The following PER3 variants were observed in gnomAD, a reference collection of about 807,000 sequenced individuals.
The protein encoded by PER3 is period circadian regulator 3, also known as period circadian protein homolog 3.
In PER3, 107 loss-of-function variants were observed where a neutral mutation model predicts 127.2. The observed-to-expected ratio is 0.84, with a 90% CI of 0.72 to 0.99. The LOEUF is 0.99. Ranked by LOEUF, PER3 falls within the 50% of genes least tolerant of loss-of-function variation. The probability of loss-of-function intolerance (pLI) is 0.00; values close to 1 mark genes in which losing one functional copy is unlikely to be tolerated. For missense variants in PER3, 1,560 were observed against 1,525.8 expected (o/e 1.02, Z -0.37); for synonymous variants, 618 against 585.8 (o/e 1.05, Z -0.79).
At chr1:7,837,789 G>A (rs2097365200) in intron 21 of PER3, among the ~76,000 whole-genome samples, 1 of 152,190 alleles carries the variant, frequency 6.6e-6, no homozygotes, top group Admixed American at 6.5e-5. Context: ...TTAATAACAA[G>A]TAGGCCTAGT....
At chr1:7,797,055 G>GAT (rs1317314735) in intron 6 of PER3, among the ~76,000 whole-genome samples, 14 of 152,174 alleles carry the variant, frequency 9.2e-5, no homozygotes, top group Admixed American at 9.2e-4. Flanking sequence ...GAGACTCTAT[G>GAT]AGAGTCTGGA....
chr1:7,792,946 G>C (rs1348539605), intron 5 of PER3, among the ~76,000 whole-genome samples: 1 of 152,142 alleles, frequency 6.6e-6, no homozygotes, highest in Non-Finnish European at 1.5e-5. Context: ...TGAATAAATG[G>C]TATAAGCAAA....
At chr1:7,789,140 A>AATATATATATAT (rs59535110) in intron 5 of PER3, among the ~76,000 whole-genome samples, 1,857 of 133,126 alleles carry the variant, frequency 0.014, 17 homozygotes, top group Non-Finnish European at 0.019. Context: ...AGAGCTTTAA[A>AATATATATATAT]ATATATATAT....
At chr1:7,816,447 A>C (rs2150970549) in intron 13 of PER3, among the ~76,000 whole-genome samples, 1 of 152,346 alleles carries the variant, frequency 6.6e-6, no homozygotes, top group African/African-American at 2.4e-5. Context: ...AAGACAAAAT[A>C]GTTGCAAATG....
chr1:7,793,825 G>A (rs2097132701), intron 5 of PER3, 132 bp from the exon 6 acceptor site: 1 of 757,678 alleles, frequency 1.3e-6, no homozygotes, highest in Non-Finnish European at 2.3e-6. Context: ...TGAAGGAAGG[G>A]GGTTCTATTT....
chr1:7,795,625 G>A (rs1319260788), intron 6 of PER3, among the ~76,000 whole-genome samples: 3 of 152,242 alleles, frequency 2.0e-5, no homozygotes, highest in Non-Finnish European at 4.4e-5. Flanking sequence ...GGAGTGACAC[G>A]GAGCTGCTGT....
intron 4 of PER3, chr1:7,787,195 TA>T: frequency 1.5e-6 from 1 of 682,144 alleles, no homozygotes; most frequent in Non-Finnish European, 1.9e-6. Flanking sequence ...ATATCATTCT[TA>T]GTTCCAATAC....
rs377162862 is a variant in PER3, at chr1:7,788,247, G to A, written c.592+1G>A. 1.7e-5 allele frequency: 27 copies of A among 1,604,398 alleles called. No individual in the cohort carries two copies. The highest frequency in any genetic ancestry group is 2.0e-5 in the Non-Finnish European group (23 of 1,171,116). On this transcript the variant is annotated splice_donor_variant, in intron 5 of 21. Transcript: ENST00000377532. LOFTEE classifies it high-confidence loss of function. ...TTCTGGAACAACTGGACCCAAAGAG[G>A]TAACAGGACCAATGTTCAGATGTCT...
chr1:7,810,127 A>G (rs1186434538), intron 12 of PER3, 106 bp downstream of exon 12: 2 of 1,074,844 alleles, frequency 1.9e-6, no homozygotes, highest in Admixed American at 2.5e-5. Flanking sequence ...TGAAGACCTC[A>G]ACTGATAACA....
chr1:7,835,890 A>G lies in PER3; in HGVS notation c.3343A>G (p.Arg1115Gly), dbSNP rs1017595868. ...TAATGTCGCCGAAGAGCCCATCTGG[A>G]GAATGATACGGCAGACACCTGAGCG... Reference protein sequence around the residue: ...FPNVAEEPIWRMIRQTPERIL... With the variant: ...FPNVAEEPIWGMIRQTPERIL... The change falls in exon 20 of 22, where the codon AGA becomes GGA. Residue 1115 changes from arginine (R) to glycine (G), a missense_variant. Physicochemically the swap from Arg to Gly is moderately radical, Grantham distance 125. Around this residue, in one of 3 missense-constraint regions of PER3, gnomAD observed 199 missense variants for 198.6 expected, o/e 1.00. Coordinates refer to ENST00000377532, the MANE Select transcript of PER3 (RefSeq NM_001377275.1). 11 of 1,611,964 alleles carry G rather than the reference A, an allele frequency of 6.8e-6. No homozygotes were observed. The highest frequency in any genetic ancestry group is 3.3e-5 in the Admixed American group (2 of 60,024).
intron 18 of PER3, among the ~76,000 whole-genome samples, 178 bp downstream of exon 18, chr1:7,827,993 G>A (rs1424467634): frequency 6.6e-6 from 1 of 152,170 alleles, no homozygotes; most frequent in Non-Finnish European, 1.5e-5. Flanking sequence ...GCTCTGTTTG[G>A]AAAGTAGACA....
intron 5 of PER3, among the ~76,000 whole-genome samples, chr1:7,788,825 A>T (rs1558380281): frequency 6.6e-6 from 1 of 151,800 alleles, no homozygotes. Flanking sequence ...AAGCACTTGA[A>T]CCCGGGAGAC....
chr1:7,820,540 A>G lies in PER3; in HGVS notation c.1857A>G (p.Gly619=), dbSNP rs761620324. 6.2e-7 allele frequency: 1 copy of G among 1,614,024 alleles called. No homozygotes were observed. The highest frequency in any genetic ancestry group is 1.1e-5 in the South Asian group (1 of 91,066). ...TNGRSIDTGG[G]APQILSTAML... is the part of the protein sequence containing the mutation. ...GACGGTCCATAGACACAGGAGGAGG[A>G]GCTCCACAGATCCTGTCCACGGCGA... The change falls in exon 16 of 22, where the codon GGA becomes GGG. Residue 619 remains glycine (G), a synonymous_variant. Transcript: ENST00000377532.
chr1:7,819,471 A>G (rs1388846970), intron 14 of PER3, 51 bp downstream of exon 14: 1 of 1,548,160 alleles, frequency 6.5e-7, no homozygotes, highest in East Asian at 2.2e-5. Flanking sequence ...GGAAGCATAC[A>G]CTGCCACTGT....
chr1:7,806,795 T>TA (rs71567316), intron 10 of PER3, among the ~76,000 whole-genome samples: 3,425 of 91,888 alleles, frequency 0.037, 129 homozygotes, highest in African/African-American at 0.054. Flanking sequence ...CCCTGTCTCT[T>TA]AAAAAAAAAA....
chr1:7,844,042 TC>T lies in PER3; in HGVS notation c.*1289del. ...TGCAACAAACTAATTTATTTTTTTT[TC>T]CTTTTTTTGTTTTTGGTTTTTTATG... On this transcript the variant is annotated 3_prime_UTR_variant, in exon 22 of 22. Coordinates refer to ENST00000377532, the MANE Select transcript of PER3 (RefSeq NM_001377275.1). 9.5e-7 allele frequency: 1 copy of T among 1,048,760 alleles called. No individual in the cohort carries two copies. The highest frequency in any genetic ancestry group is 1.2e-6 in the Non-Finnish European group (1 of 832,692). The allele number at this position is 1,048,760 out of a possible 1,614,324, so 65.0% of individuals were successfully genotyped here. A position where few individuals can be genotyped will look rare whatever the true frequency, so the allele number is the denominator to read the frequency against.
intron 18 of PER3, 39 bp from the exon 19 acceptor site, chr1:7,829,792 TAAG>T (rs759888649): frequency 2.0e-4 from 303 of 1,494,676 alleles, no homozygotes; most frequent in Middle Eastern, 6.9e-4. Context: ...TATTTTGTGA[TAAG>T]AAGATTAAAG....
Position 7,827,295 on chromosome 1 carries a change from C to A in PER3, c.2366C>A (p.Ser789Ter). ...TCCGCGGCCTCCTCTCCGCACACCTCGAGCCCGACCTTCCCACCTGCCGCC... is the reference window on the plus strand; with the variant it reads ...TCCGCGGCCTCCTCTCCGCACACCTAGAGCCCGACCTTCCCACCTGCCGCC... ...CPSAASSPHT[S>*]SPTFPPAAMV... is the part of the protein sequence containing the mutation. The change falls in exon 18 of 22, where the codon TCG becomes TAG. Residue 789 changes from serine (S) to a stop codon, truncating the protein, a stop_gained. Transcript: ENST00000377532. LOFTEE classifies it high-confidence loss of function. 6.2e-7 allele frequency: 1 copy of A among 1,613,718 alleles called. No homozygotes were observed. The highest frequency in any genetic ancestry group is 8.5e-7 in the Non-Finnish European group (1 of 1,179,828).
At chr1:7,787,508 G>A in intron 4 of PER3, 1 of 421,850 alleles carries the variant, frequency 2.4e-6, no homozygotes, top group Non-Finnish European at 4.6e-6. Flanking sequence ...TTTAAAAATA[G>A]CTTAAGAAAA....
Sources: gnomAD v4.1 joint callset for allele counts (sites outside exome capture counted in the v4.1 genomes callset) on GRCh38, gnomAD v4.1.1 for gene constraint, gnomAD v4.1.1 regional missense constraint, MANE v1.5 for transcripts, NCBI Gene and HGNC (gene_info 2026-07-23, HGNC 2026-07-21) for gene names.